CEP112: variants seen among roughly 807,000 people sequenced by gnomAD.
CEP112 encodes centrosomal protein 112.
In CEP112, 127 loss-of-function variants were observed where a neutral mutation model predicts 153.0. The ratio of observed to expected loss-of-function variants is 0.83; its 90% CI spans 0.72 to 0.96. The LOEUF (loss-of-function observed/expected upper bound fraction) is 0.96. Among genes scored for constraint, CEP112 ranks in the 40% least tolerant of loss-of-function variants. The pLI is 0.00. For missense variants in CEP112, 1,089 were observed against 1,101.2 expected (o/e 0.99, Z 0.16); for synonymous variants, 358 against 374.4 (o/e 0.96, Z 0.51).
intron 17 of CEP112, among the ~76,000 whole-genome samples, chr17:65,992,844 A>G (rs2063643529): frequency 6.6e-6 from 1 of 152,198 alleles, no homozygotes; most frequent in South Asian, 2.1e-4. Context: ...AATTTAACCT[A>G]GCTCTCCCTG....
At chr17:65,772,898 AATG>A (rs10587165) in intron 21 of CEP112, among the ~76,000 whole-genome samples, 7 of 151,750 alleles carry the variant, frequency 4.6e-5, no homozygotes, top group African/African-American at 1.7e-4. Context: ...TAATGATGAT[AATG>A]ATGATGATGA....
chr17:65,658,484 A>C (rs946915740), intron 24 of CEP112, among the ~76,000 whole-genome samples: 2 of 152,236 alleles, frequency 1.3e-5, no homozygotes, highest in Non-Finnish European at 2.9e-5. Context: ...GCCTAGAAGA[A>C]GGGTGATGTT....
rs539087851 is a variant in CEP112 at position 66,042,825 on chromosome 17, T to C, written c.1218+10911A>G. Among the ~76,000 whole-genome samples, 61 of 144,000 alleles carry C rather than the reference T, an allele frequency of 4.2e-4. No homozygotes were observed. The South Asian group carries it at 0.015, about 35-fold the overall frequency. The allele number at this position is 144,000 out of a possible 152,430, so 94.5% of individuals were successfully genotyped here. ...CTCTGCACTATCTTCTTAAATTTTC[T>C]GTAAATCTAAAACTATTAAAAAAAA... On this transcript the variant is annotated intron_variant, in intron 12 of 26. Coordinates refer to ENST00000535342, the MANE Select transcript of CEP112 (RefSeq NM_001199165.4).
chr17:65,659,015 C>CAAAAAAAAAAAAAAAAAAAAAAAAA (rs777326885), intron 24 of CEP112, among the ~76,000 whole-genome samples: 1 of 55,578 alleles, frequency 1.8e-5, no homozygotes, highest in African/African-American at 5.8e-5. Context: ...GACTCTGTCT[C>CAAAAAAAAAAAAAAAAAAAAAAAAA]AAAAAAAAAA....
intron 18 of CEP112, among the ~76,000 whole-genome samples, chr17:65,930,142 T>C (rs904421044): frequency 6.6e-6 from 1 of 152,238 alleles, no homozygotes; most frequent in Non-Finnish European, 1.5e-5. Flanking sequence ...CACTGGTATA[T>C]GGAACTACTT....
chr17:66,092,380 C>CACACACAG (rs1297250892), intron 8 of CEP112, among the ~76,000 whole-genome samples: 2 of 151,262 alleles, frequency 1.3e-5, no homozygotes, highest in Non-Finnish European at 2.9e-5. Flanking sequence ...CACACACACA[C>CACACACAG]ACACACACAG....
intron 18 of CEP112, among the ~76,000 whole-genome samples, chr17:65,929,257 A>G (rs1304541674): frequency 6.6e-6 from 1 of 152,178 alleles, no homozygotes; most frequent in Non-Finnish European, 1.5e-5. Context: ...GGAAAAGTCA[A>G]AGATTCCACC....
At chr17:66,070,243 T>C (rs557902143) in intron 8 of CEP112, among the ~76,000 whole-genome samples, 1 of 152,264 alleles carries the variant, frequency 6.6e-6, no homozygotes, top group African/African-American at 2.4e-5. Context: ...ACTGACAATA[T>C]GAAGTACAGA....
chr17:66,109,925 C>G (rs1255316803), intron 6 of CEP112, among the ~76,000 whole-genome samples: 1 of 152,198 alleles, frequency 6.6e-6, no homozygotes, highest in Non-Finnish European at 1.5e-5. Flanking sequence ...CTTTGGGAGG[C>G]TGAGGCGAGC....
At chr17:65,905,173 A>G (rs2060022402) in intron 19 of CEP112, among the ~76,000 whole-genome samples, 1 of 152,234 alleles carries the variant, frequency 6.6e-6, no homozygotes, top group African/African-American at 2.4e-5. Flanking sequence ...GACAACATAC[A>G]GAATGGGAGA....
chr17:65,812,903 T>C (rs868331322), intron 21 of CEP112, among the ~76,000 whole-genome samples: 68 of 152,230 alleles, frequency 4.5e-4, no homozygotes, highest in African/African-American at 1.6e-3. Context: ...TTTTTGAACT[T>C]TTCTAGGATT....
intron 17 of CEP112, among the ~76,000 whole-genome samples, chr17:65,972,680 A>G (rs889737328): frequency 1.4e-4 from 21 of 152,236 alleles, no homozygotes; most frequent in African/African-American, 4.8e-4. Context: ...CAATATTACA[A>G]ATGAGAGTGG....
intron 2 of CEP112, among the ~76,000 whole-genome samples, chr17:66,178,951 C>G (rs1182654503): frequency 6.6e-6 from 1 of 152,142 alleles, no homozygotes; most frequent in Non-Finnish European, 1.5e-5. Flanking sequence ...AAGAGACTGT[C>G]ATTTCCCCAG....
chr17:65,937,620 G>A (rs2061378459), intron 18 of CEP112, among the ~76,000 whole-genome samples: 2 of 102,640 alleles, frequency 1.9e-5, no homozygotes, highest in African/African-American at 3.3e-5. Context: ...GGGAGGTGGG[G>A]GGGTCAGCCC....
chr17:66,112,455 A>C (rs2069099810), intron 6 of CEP112, among the ~76,000 whole-genome samples: 1 of 152,228 alleles, frequency 6.6e-6, no homozygotes, highest in African/African-American at 2.4e-5. Context: ...AATATAAAGT[A>C]ATATCACAAT....
intron 23 of CEP112, among the ~76,000 whole-genome samples, chr17:65,721,257 G>C (rs2049870326): frequency 6.6e-6 from 1 of 152,040 alleles, no homozygotes; most frequent in Non-Finnish European, 1.5e-5. Flanking sequence ...TGATCTGCCC[G>C]CCTTGGCCTC....
intron 21 of CEP112, among the ~76,000 whole-genome samples, chr17:65,790,386 G>A (rs932360058): frequency 1.1e-4 from 16 of 152,130 alleles, no homozygotes; most frequent in Admixed American, 6.5e-4. Flanking sequence ...GCAGTAACTA[G>A]GGAAGATGCA....
intron 20 of CEP112, among the ~76,000 whole-genome samples, chr17:65,856,592 T>TA (rs1474308189): frequency 6.6e-6 from 1 of 152,336 alleles, no homozygotes; most frequent in African/African-American, 2.4e-5. Context: ...TTTTGAAAAT[T>TA]AAAAAATACA....
rs375183262 is a variant in CEP112 at position 65,976,968 on chromosome 17, C to T, written c.1737-15370G>A. Among the ~76,000 whole-genome samples the T allele has an allele frequency of 6.6e-5, 10 of 152,118 alleles. No homozygotes were observed. In the South Asian group the frequency reaches 1.0e-3, roughly 16 times the overall value. ...TGGCCAGGCTGTCTCAAACTCCCGA[C>T]CTCAGGTGATCCGCCCGCCTAGGGC... is the stretch of plus-strand genomic sequence containing the variant. On this transcript the variant is annotated intron_variant, in intron 17 of 26. Coordinates refer to ENST00000535342, the MANE Select transcript of CEP112 (RefSeq NM_001199165.4).
Sources: allele counts gnomAD v4.1 joint callset (sites outside exome capture counted in the v4.1 genomes callset), GRCh38; gene constraint gnomAD v4.1.1; transcripts MANE v1.5; gene names NCBI Gene and HGNC (gene_info 2026-07-23, HGNC 2026-07-21).